Variants in LRP1B observed in about 807,000 individuals in gnomAD.
LRP1B encodes LDL receptor related protein 1B, also known as low-density lipoprotein receptor-related protein 1B.
A neutral mutation model predicts 556.6 loss-of-function variants in LRP1B; 217 were observed. That is an observed-to-expected ratio of 0.39 (90% confidence interval 0.35 to 0.44). The LOEUF (loss-of-function observed/expected upper bound fraction) is 0.44. LRP1B is among the 20% of genes least tolerant of loss of function. The pLI is 1.00. For missense variants in LRP1B, 5,053 were observed against 5,620.8 expected, an observed-to-expected ratio of 0.90 and a Z score of 3.23; for synonymous variants, 2,047 against 1,865.8, an observed-to-expected ratio of 1.10 and a Z score of -2.50.
intron 31 of LRP1B, among the ~76,000 whole-genome samples, chr2:140,829,990 A>C (rs1244080454): frequency 6.6e-6 from 1 of 152,040 alleles, no homozygotes; most frequent in African/African-American, 2.4e-5. Context: ...CTAAACACTA[A>C]CAAATTGGAA....
At chr2:141,131,268 C>T (rs560540032) in intron 7 of LRP1B, among the ~76,000 whole-genome samples, 162 of 151,658 alleles carry the variant, frequency 1.1e-3, no homozygotes, top group Non-Finnish European at 8.8e-4. Flanking sequence ...TTTTATGCTG[C>T]TATTAAAATG....
At chr2:141,314,684 G>A (rs1686931908) in intron 3 of LRP1B, among the ~76,000 whole-genome samples, 1 of 149,854 alleles carries the variant, frequency 6.7e-6, no homozygotes, top group African/African-American at 2.5e-5. Context: ...CCACCTAATC[G>A]GGAGGCTGAG....
At chr2:141,792,642 A>T (rs1695654475) in intron 2 of LRP1B, among the ~76,000 whole-genome samples, 1 of 152,020 alleles carries the variant, frequency 6.6e-6, no homozygotes, top group African/African-American at 2.4e-5. Context: ...AAAAGATAAA[A>T]TAAATAGCAC....
chr2:140,642,607 C>T (rs559381271), intron 41 of LRP1B, among the ~76,000 whole-genome samples: 1 of 152,112 alleles, frequency 6.6e-6, no homozygotes, highest in African/African-American at 2.4e-5. Context: ...TTTGGGAAGC[C>T]GAGATGGGCG....
Position 140,335,829 on chromosome 2 carries a change from A to G in LRP1B, c.11902T>C (p.Phe3968Leu), listed in dbSNP as rs748318302. 87 of 1,606,414 alleles carry G rather than the reference A, an allele frequency of 5.4e-5. No individual in the cohort carries two copies. The highest frequency in any genetic ancestry group is 7.4e-5 in the Non-Finnish European group (87 of 1,174,362). ...ACTGCAATGTCCCTGGGCCTTTTAA[A>G]TTCAGGACACTACAAGGAAACAAAA... Reference protein sequence around the residue: ...QANSGLICPEFKRPRDIAVDW... With the variant: ...QANSGLICPELKRPRDIAVDW... The change falls in exon 78 of 91, where the codon TTT becomes CTT. Residue 3968 changes from phenylalanine (F) to leucine (L), a missense_variant. By Grantham distance (22) the Phe-to-Leu change is conservative (BLOSUM62 0). This residue lies in a region of LRP1B where 599 missense variants were observed against 648.4 expected (regional missense o/e 0.92). Transcript: ENST00000389484.
chr2:141,474,140 T>C (rs74600727), intron 3 of LRP1B, among the ~76,000 whole-genome samples: 49,335 of 144,390 alleles, frequency 0.34, 8,932 homozygotes, highest in Non-Finnish European at 0.4. Context: ...TCCTTTCTTC[T>C]TTTCCTTTTT....
chr2:141,431,885 C>T (rs1370620425), intron 3 of LRP1B, among the ~76,000 whole-genome samples: 1 of 152,074 alleles, frequency 6.6e-6, no homozygotes, highest in Non-Finnish European at 1.5e-5. Flanking sequence ...ATTTACTATA[C>T]ATAAGGTCAT....
At chr2:141,701,879 T>G (rs929297323) in intron 2 of LRP1B, among the ~76,000 whole-genome samples, 1 of 151,918 alleles carries the variant, frequency 6.6e-6, no homozygotes, top group African/African-American at 2.4e-5. Context: ...TTATACAATT[T>G]GATGCTACAG....
At chr2:140,676,309 T>C (rs1285339017) in intron 41 of LRP1B, among the ~76,000 whole-genome samples, 22 of 152,166 alleles carry the variant, frequency 1.4e-4, no homozygotes, top group Admixed American at 1.4e-3. Context: ...CTCTTATTAA[T>C]ACAGGAAAAA....
intron 2 of LRP1B, among the ~76,000 whole-genome samples, chr2:141,577,410 C>T (rs1174794934): frequency 3.9e-5 from 6 of 152,102 alleles, no homozygotes; most frequent in East Asian, 3.9e-4. Context: ...TCCTGGAATA[C>T]GGTCAGTTTT....
chr2:140,939,964 C>G (rs1695348442), intron 20 of LRP1B, among the ~76,000 whole-genome samples: 1 of 147,818 alleles, frequency 6.8e-6, no homozygotes, highest in Non-Finnish European at 1.5e-5. Flanking sequence ...CAGTTCACTG[C>G]AACCTCCACC....
chr2:141,332,087 T>C (rs536422555), intron 3 of LRP1B, among the ~76,000 whole-genome samples: 108 of 152,224 alleles, frequency 7.1e-4, no homozygotes, highest in Non-Finnish European at 1.2e-3. Flanking sequence ...TTGGCAACTA[T>C]GGAGCTATTC....
intron 68 of LRP1B, among the ~76,000 whole-genome samples, chr2:140,373,492 A>T (rs1223946387): frequency 6.6e-6 from 1 of 151,390 alleles, no homozygotes; most frequent in African/African-American, 2.4e-5. Context: ...AAAAACGGAT[A>T]AAAAAAAATT....
At chr2:141,131,696 A>G (rs947597507) in intron 7 of LRP1B, among the ~76,000 whole-genome samples, 1 of 151,956 alleles carries the variant, frequency 6.6e-6, no homozygotes, top group Non-Finnish European at 1.5e-5. Context: ...ACAGATTTAC[A>G]TATATGTCTC....
intron 2 of LRP1B, among the ~76,000 whole-genome samples, chr2:141,785,918 A>G (rs949279178): frequency 1.3e-5 from 2 of 151,858 alleles, no homozygotes; most frequent in African/African-American, 4.8e-5. Context: ...TCAGAGACTT[A>G]AAGAAGATTA....
chr2:141,886,228 G>A (rs1044065152), intron 1 of LRP1B, among the ~76,000 whole-genome samples: 2 of 152,102 alleles, frequency 1.3e-5, no homozygotes, highest in Non-Finnish European at 1.5e-5. Flanking sequence ...TAAGTGGGTA[G>A]GACTACGACT....
chr2:140,822,041 A>G (rs1691348127), intron 31 of LRP1B, among the ~76,000 whole-genome samples: 1 of 152,122 alleles, frequency 6.6e-6, no homozygotes, highest in African/African-American at 2.4e-5. Flanking sequence ...AACATCAAAG[A>G]AATAAAAATA....
At chr2:142,111,782 T>C (rs1706996308) in intron 1 of LRP1B, among the ~76,000 whole-genome samples, 1 of 152,096 alleles carries the variant, frequency 6.6e-6, no homozygotes, top group Non-Finnish European at 1.5e-5. Flanking sequence ...TGACTACTAC[T>C]ATTATAACAA....
intron 2 of LRP1B, among the ~76,000 whole-genome samples, chr2:141,504,002 C>T (rs1175150911): frequency 1.3e-5 from 2 of 152,094 alleles, no homozygotes; most frequent in African/African-American, 2.4e-5. Context: ...CGAAAGCTAC[C>T]TTGGAAACGA....
Sources: allele counts gnomAD v4.1 joint callset (sites outside exome capture counted in the v4.1 genomes callset), GRCh38; gene constraint gnomAD v4.1.1; regional missense constraint gnomAD v4.1.1; transcripts MANE v1.5; gene names NCBI Gene and HGNC (gene_info 2026-07-23, HGNC 2026-07-21).